The following SYCP2 variants were observed in gnomAD, a reference collection of about 807,000 sequenced individuals.
The protein encoded by SYCP2 is synaptonemal complex protein 2.
A neutral mutation model predicts 211.3 loss-of-function variants in SYCP2; 55 were observed. The observed-to-expected ratio is 0.26, with a 90% CI of 0.21 to 0.33. The LOEUF is 0.33. Ranked by LOEUF, SYCP2 falls within the 10% of genes least tolerant of loss-of-function variation. The pLI is 1.00. For synonymous variants in SYCP2, 570 were observed against 555.2 expected (o/e 1.03, Z -0.37); for missense variants, 1,731 against 1,752.0 (o/e 0.99, Z 0.21).
chr20:59,875,325 C>A lies in SYCP2; in HGVS notation c.3295G>T (p.Asp1099Tyr). 6.2e-7 allele frequency: 1 copy of A among 1,610,928 alleles called. No homozygotes were observed. The highest frequency in any genetic ancestry group is 8.5e-7 in the Non-Finnish European group (1 of 1,178,122). Residue 1099 changes from aspartate to tyrosine, a missense_variant, in exon 34 of 45, where the codon GAC becomes TAC. Transcript: ENST00000357552. ...LKDAIRDNCL[D>Y]LSPRSLSGSP... is the part of the protein sequence containing the mutation. ...CCAGATAAAGATCTGGGAGATAAGT[C>A]AAGGCAATTATCTCGTATAGCATCT...
At chr20:59,910,672 C>G (rs1025435832) in intron 14 of SYCP2, among the ~76,000 whole-genome samples, 4 of 151,748 alleles carry the variant, frequency 2.6e-5, no homozygotes, top group African/African-American at 9.7e-5. Context: ...ATAGTAGTTA[C>G]TGCTATTTAA....
chr20:59,900,310 T>G (rs2060092149), intron 17 of SYCP2, 26 bp from the exon 18 acceptor site: 1 of 1,549,252 alleles, frequency 6.5e-7, no homozygotes, highest in African/African-American at 1.4e-5. Flanking sequence ...AAAAAAAAAG[T>G]ATTTAAAACT....
chr20:59,887,806 GAAAA>G (rs142599826), intron 24 of SYCP2, among the ~76,000 whole-genome samples: 2 of 142,392 alleles, frequency 1.4e-5, no homozygotes, highest in African/African-American at 5.1e-5. Context: ...AGAAGAAAGA[GAAAA>G]AAAAAACAGA....
chr20:59,873,387 C>T (rs2059490688), intron 35 of SYCP2, among the ~76,000 whole-genome samples: 1 of 152,150 alleles, frequency 6.6e-6, no homozygotes, highest in Non-Finnish European at 1.5e-5. Context: ...ATGTGACTAA[C>T]AGGCAGGTAG....
At chr20:59,912,561 T>C (rs1474100804) in intron 12 of SYCP2, 143 bp from the exon 13 acceptor site, 5 of 419,810 alleles carry the variant, frequency 1.2e-5, no homozygotes, top group Admixed American at 4.8e-5. Flanking sequence ...CCCTCTTTAA[T>C]ACTTTTCAAA....
intron 37 of SYCP2, 80 bp downstream of exon 37, chr20:59,868,755 A>T: frequency 1.5e-6 from 2 of 1,365,110 alleles, no homozygotes; most frequent in South Asian, 2.7e-5. Flanking sequence ...GTATGACTTA[A>T]AATACATAAT....
intron 35 of SYCP2, among the ~76,000 whole-genome samples, chr20:59,871,829 A>G (rs994049554): frequency 6.6e-6 from 1 of 152,022 alleles, no homozygotes; most frequent in African/African-American, 2.4e-5. Context: ...ACAAGAAAAA[A>G]AAGTCTGTAC....
chr20:59,894,277 T>G (rs2059964946), intron 20 of SYCP2, among the ~76,000 whole-genome samples: 2 of 152,004 alleles, frequency 1.3e-5, no homozygotes, highest in Non-Finnish European at 2.9e-5. Context: ...CAGGTGTGGT[T>G]TGGGTTGTCA....
At chr20:59,879,739 T>C (rs1267847546) in intron 31 of SYCP2, among the ~76,000 whole-genome samples, 1 of 149,506 alleles carries the variant, frequency 6.7e-6, no homozygotes, top group Non-Finnish European at 1.5e-5. Flanking sequence ...CCTTTTGATA[T>C]ATTTTTTGTG....
intron 14 of SYCP2, among the ~76,000 whole-genome samples, chr20:59,908,979 G>A (rs2060266123): frequency 6.6e-6 from 1 of 152,138 alleles, no homozygotes; most frequent in Non-Finnish European, 1.5e-5. Flanking sequence ...TCTTCACCAT[G>A]TAAGTGAAAC....
rs372670226 is a variant in SYCP2, at chr20:59,886,780, G to C, written c.2419C>G (p.Gln807Glu). 2.7e-4 allele frequency: 434 copies of C among 1,586,784 alleles called. 4 individuals carry two copies. The South Asian group carries it at 4.8e-3, about 18-fold the overall frequency. ...TTTGTTTTGTATCTTTTATTGATTT[G>C]GCTTATCAAGGATTCTGCTACATTG... ...FTNVAESLIS[Q>E]INKRYKTKDD... The change falls in exon 25 of 45, where the codon CAA becomes GAA. Residue 807 changes from glutamine to glutamate, a missense_variant. Physicochemically the swap from Gln to Glu is conservative, Grantham distance 29. Coordinates refer to ENST00000357552, the MANE Select transcript of SYCP2 (RefSeq NM_014258.4).
At chr20:59,878,203 T>C (rs1223000684) in intron 31 of SYCP2, among the ~76,000 whole-genome samples, 158 bp from the exon 32 acceptor site, 1 of 152,162 alleles carries the variant, frequency 6.6e-6, no homozygotes, top group Non-Finnish European at 1.5e-5. Context: ...CCATGTGGCC[T>C]CAGGCCACCA....
intron 25 of SYCP2, among the ~76,000 whole-genome samples, 173 bp downstream of exon 25, chr20:59,886,534 T>A (rs1199013938): frequency 1.3e-5 from 2 of 152,002 alleles, no homozygotes; most frequent in African/African-American, 4.8e-5. Flanking sequence ...CAAATTTAGT[T>A]CCCTTCTTGT....
At position 59,900,847 on chromosome 20, in the gene SYCP2, C is replaced by A. The variant is rs182115601; in HGVS notation, c.1183-29G>T. On this transcript the variant is annotated intron_variant, in intron 16 of 44. Transcript: ENST00000357552. Reference sequence around the variant, plus strand: ...AAATTAAATCAATTCACAGTGATGACATTTTCTTCATTTTCTTTCCACTTT... The same window carrying A: ...AAATTAAATCAATTCACAGTGATGAAATTTTCTTCATTTTCTTTCCACTTT... The A allele has an allele frequency of 6.3e-5, 85 of 1,352,200 alleles. No individual in the cohort carries two copies. The East Asian group carries it at 1.8e-3, about 29-fold the overall frequency. The allele number at this position is 1,352,200 out of a possible 1,614,324, so 83.8% of individuals were successfully genotyped here. A position where few individuals can be genotyped will look rare whatever the true frequency, so the allele number is the denominator to read the frequency against.
At chr20:59,898,057 T>G (rs1600898257) in intron 18 of SYCP2, among the ~76,000 whole-genome samples, 1 of 151,998 alleles carries the variant, frequency 6.6e-6, no homozygotes, top group African/African-American at 2.4e-5. Flanking sequence ...GAGGCGGAGG[T>G]TGCAGTGAGC....
chr20:59,917,308 A>G (rs990946816), intron 7 of SYCP2, among the ~76,000 whole-genome samples: 1 of 152,152 alleles, frequency 6.6e-6, no homozygotes, highest in Non-Finnish European at 1.5e-5. Flanking sequence ...TTTTACGTTA[A>G]CGCATTTTTG....
Position 59,916,565 on chromosome 20 carries a change from T to G in SYCP2, c.434A>C (p.Lys145Thr), listed in dbSNP as rs2060446628. Residue 145 changes from lysine to threonine, a missense_variant, in exon 8 of 45, where the codon AAA (lysine) becomes ACA (threonine). Physicochemically the swap from Lys to Thr is moderately conservative, Grantham distance 78. Around this residue, in one of 3 missense-constraint regions of SYCP2, gnomAD observed 335 missense variants for 378.8 expected, o/e 0.88. Coordinates refer to ENST00000357552, the MANE Select transcript of SYCP2 (RefSeq NM_014258.4). The part of the protein sequence containing the change: ...VIHDVSDEGK[K>T]QVVESFVPRI... ...AGGTACGAAACTTTCCACTACTTGT[T>G]TTTTACCTGAATAAAAGTGTTAAAT... 1 of 1,591,346 alleles carries G rather than the reference T, an allele frequency of 6.3e-7. No homozygotes were observed. Among genetic ancestry groups the G allele is most frequent in the South Asian group, 1.1e-5 (1 of 90,572 alleles).
chr20:59,893,395 ACAAAGT>A, intron 21 of SYCP2, 123 bp downstream of exon 21: 1 of 795,428 alleles, frequency 1.3e-6, no homozygotes, highest in East Asian at 2.7e-5. Context: ...AATTCCTTGC[ACAAAGT>A]CAAACAAATT....
At chr20:59,868,763 A>G (rs2059397031) in intron 37 of SYCP2, 72 bp downstream of exon 37, 1 of 1,392,708 alleles carries the variant, frequency 7.2e-7, no homozygotes. Flanking sequence ...TAAAATACAT[A>G]ATTCCTTTAG....
Sources: gnomAD v4.1 joint callset for allele counts (sites outside exome capture counted in the v4.1 genomes callset) on GRCh38, gnomAD v4.1.1 for gene constraint, gnomAD v4.1.1 regional missense constraint, MANE v1.5 for transcripts, NCBI Gene and HGNC (gene_info 2026-07-23, HGNC 2026-07-21) for gene names.